SP100: variants seen among roughly 807,000 people sequenced by gnomAD.
SP100 encodes the protein SP100 nuclear body protein.
A neutral mutation model predicts 130.0 loss-of-function variants in SP100; 84 were observed. That is an observed-to-expected ratio of 0.65 (90% CI 0.54 to 0.77). The LOEUF (loss-of-function observed/expected upper bound fraction) is 0.77, where lower values mean the gene tolerates loss of function less well. Among genes scored for constraint, SP100 ranks in the 30% least tolerant of loss-of-function variants. The pLI is 0.00. For missense variants in SP100, 978 were observed against 1,052.2 expected, an observed-to-expected ratio of 0.93 and a Z score of 0.97; for synonymous variants, 331 against 351.7, an observed-to-expected ratio of 0.94 and a Z score of 0.66.
intron 12 of SP100, 76 bp downstream of exon 12, chr2:230,466,430 C>T (rs1462804272): frequency 3.6e-6 from 3 of 824,344 alleles, no homozygotes; most frequent in African/African-American, 3.4e-5. Context: ...ATATTTTCTA[C>T]AAAAGAGTCA....
intron 17 of SP100, among the ~76,000 whole-genome samples, chr2:230,483,773 C>T (rs368552032): frequency 6.6e-6 from 1 of 152,002 alleles, no homozygotes; most frequent in Non-Finnish European, 1.5e-5. Context: ...TCTCATTATT[C>T]CTGATAGTTA....
Position 230,543,111 on chromosome 2 carries a change from C to T in SP100, c.*165C>T, listed in dbSNP as rs1385605299. 1 of 500,170 alleles carries T rather than the reference C, an allele frequency of 2.0e-6. No homozygotes were observed. The highest frequency in any genetic ancestry group is 3.3e-5 in the East Asian group (1 of 30,734). 31.0% of individuals were successfully genotyped at this position (500,170 alleles called of 1,614,324 possible). ...TTTCAGCTTTCAATAAAATTCAACACCCCTTCATGTTAAAAATTCTCAATA... is the reference window on the plus strand; with the variant it reads ...TTTCAGCTTTCAATAAAATTCAACATCCCTTCATGTTAAAAATTCTCAATA... On this transcript the variant is annotated 3_prime_UTR_variant, in exon 29 of 29. Coordinates refer to ENST00000340126, the MANE Select transcript of SP100 (RefSeq NM_001080391.2).
rs2066555181 is a variant in SP100, at chr2:230,494,432, T to C, written c.1617T>C (p.His539=). 3 of 1,606,932 alleles carry C rather than the reference T, an allele frequency of 1.9e-6. No homozygotes were observed. Among genetic ancestry groups the C allele is most frequent in the South Asian group, 2.2e-5 (2 of 90,884 alleles). The change falls in exon 18 of 29, where the codon CAT becomes CAC. Residue 539 remains histidine, a synonymous_variant. Coordinates refer to ENST00000340126, the MANE Select transcript of SP100 (RefSeq NM_001080391.2). ...HSGKRRKKRR[H]RSKVNGLQRG... ...TGTTTGCAGGAAAAAAGAGAAGGCA[T>C]AGATCTAAAGTAAATGGTCTCCAAA...
chr2:230,450,477 T>A (rs1441158608), intron 8 of SP100, among the ~76,000 whole-genome samples: 1 of 152,242 alleles, frequency 6.6e-6, no homozygotes, highest in Non-Finnish European at 1.5e-5. Context: ...CACGTACTTA[T>A]CATTTTTGTG....
In SP100 at chr2:230,540,875, G is replaced by A. The variant is rs762781235; in HGVS notation, c.2211-1G>A. On this transcript the variant is annotated splice_acceptor_variant, in intron 25 of 28. Transcript: ENST00000340126. LOFTEE classifies it high-confidence loss of function. ...TGCTCACTTTATGCCCCATCTCTCA[G>A]GAACCCGTGGAGTTGCATCTTCTGC... 22 of 1,610,440 alleles carry A rather than the reference G, an allele frequency of 1.4e-5. No homozygotes were observed. Among genetic ancestry groups the A allele is most frequent in the Non-Finnish European group, 1.8e-5 (21 of 1,177,804 alleles).
intron 24 of SP100, among the ~76,000 whole-genome samples, chr2:230,529,195 C>T (rs1218470872): frequency 1.3e-5 from 2 of 152,120 alleles, no homozygotes; most frequent in Non-Finnish European, 2.9e-5. Flanking sequence ...ACTGGTAAAC[C>T]AAATCCAGCA....
chr2:230,488,135 A>G (rs2066205387), intron 17 of SP100, among the ~76,000 whole-genome samples: 1 of 152,168 alleles, frequency 6.6e-6, no homozygotes, highest in South Asian at 2.1e-4. Flanking sequence ...CTGCAAGTAC[A>G]GACAATCTGA....
intron 21 of SP100, among the ~76,000 whole-genome samples, chr2:230,505,327 G>A (rs190226630): frequency 5.3e-5 from 8 of 152,268 alleles, no homozygotes; most frequent in African/African-American, 1.7e-4. Flanking sequence ...TACTTGGGTG[G>A]AAAATGTACA....
In SP100 at chr2:230,539,395, T is replaced by C. The variant is rs775279568; in HGVS notation, c.2210+13T>C. 7 of 1,576,704 alleles carry C rather than the reference T, an allele frequency of 4.4e-6. No individual in the cohort carries two copies. In the South Asian group the frequency reaches 5.5e-5, roughly 12 times the overall value. On this transcript the variant is annotated intron_variant, in intron 25 of 28. Coordinates refer to ENST00000340126, the MANE Select transcript of SP100 (RefSeq NM_001080391.2). Reference sequence around the variant, plus strand: ...TGGAAGCTAACAAGTGAGTAAGACATGTCCCCTTCCCTGAGCCCTTCCTTC... The same window carrying C: ...TGGAAGCTAACAAGTGAGTAAGACACGTCCCCTTCCCTGAGCCCTTCCTTC...
At chr2:230,473,885 A>G (rs78675331) in intron 16 of SP100, among the ~76,000 whole-genome samples, 4 of 141,632 alleles carry the variant, frequency 2.8e-5, no homozygotes, top group East Asian at 2.0e-4. Context: ...CTTGTTCTTG[A>G]AAAAAAAAAA....
intron 17 of SP100, among the ~76,000 whole-genome samples, chr2:230,478,416 G>T (rs1476490771): frequency 6.6e-6 from 1 of 152,154 alleles, no homozygotes; most frequent in Non-Finnish European, 1.5e-5. Context: ...ATTATTACAA[G>T]ACCTCTTCAA....
intron 28 of SP100, 78 bp from the exon 29 acceptor site, chr2:230,542,758 G>A: frequency 1.3e-6 from 1 of 759,986 alleles, no homozygotes; most frequent in South Asian, 1.7e-5. Flanking sequence ...CCTAAAATGA[G>A]GCCCCAGATT....
At position 230,464,066 on chromosome 2, in the gene SP100, G is replaced by A. The variant is rs144228004; in HGVS notation, c.1058-1G>A. On this transcript the variant is annotated splice_acceptor_variant, in intron 10 of 28. Coordinates refer to ENST00000340126, the MANE Select transcript of SP100 (RefSeq NM_001080391.2). LOFTEE classifies it high-confidence loss of function. ...CTAAAGAATCCCATTCTTTTGTGCAGTGATCAATAATGACAACCCTTTAGA... is the reference window on the plus strand; with the variant it reads ...CTAAAGAATCCCATTCTTTTGTGCAATGATCAATAATGACAACCCTTTAGA... The A allele has an allele frequency of 7.3e-5, 118 of 1,606,012 alleles. No individual in the cohort carries two copies. The African/African-American group carries it at 1.4e-3, about 19-fold the overall frequency.
chr2:230,459,192 A>G (rs1038843422), intron 8 of SP100, among the ~76,000 whole-genome samples: 2 of 152,230 alleles, frequency 1.3e-5, no homozygotes, highest in Non-Finnish European at 2.9e-5. Context: ...GGGAGGCACA[A>G]AGAGAAGTAT....
intron 24 of SP100, among the ~76,000 whole-genome samples, chr2:230,536,827 G>T (rs1174654932): frequency 6.6e-6 from 1 of 152,024 alleles, no homozygotes. Context: ...CTGAACCCCT[G>T]GTATTTCAAT....
At position 230,417,517 on chromosome 2, in the gene SP100, C is replaced by T. The variant is rs150266204; in HGVS notation, c.33-74C>T. The T allele has an allele frequency of 6.3e-5, 98 of 1,545,714 alleles. No individual in the cohort carries two copies. In the African/African-American group the frequency reaches 1.1e-3, roughly 18 times the overall value. On this transcript the variant is annotated intron_variant, in intron 1 of 28. Transcript: ENST00000340126. ...ATCTAAACAAATATTTATCTTGTCT[C>T]TAAACCTTAAAAATGTAATTATTGA... is the stretch of plus-strand genomic sequence containing the variant.
chr2:230,432,158 G>A (rs2063117831), intron 2 of SP100, among the ~76,000 whole-genome samples: 1 of 152,016 alleles, frequency 6.6e-6, no homozygotes, highest in Non-Finnish European at 1.5e-5. Flanking sequence ...TTTTACATCT[G>A]GGTTATTTCA....
rs6728689 is a variant in SP100 at position 230,545,045 on chromosome 2, G to A, written c.*2099G>A. Among the ~76,000 whole-genome samples, 34,736 of 152,080 alleles carry A rather than the reference G, an allele frequency of 0.23. 4,546 individuals are homozygous for A. Among genetic ancestry groups the A allele is most frequent in the Middle Eastern group, 0.37 (108 of 292 alleles). ...GTGGCAACTCCTCATAGTGCTAAAA[G>A]CAGAACTGCCATTCCACCCAGCAAT... is the stretch of plus-strand genomic sequence containing the variant. On this transcript the variant is annotated 3_prime_UTR_variant, in exon 29 of 29. Transcript: ENST00000340126.
chr2:230,469,723 T>A, intron 14 of SP100: 2 of 1,271,432 alleles, frequency 1.6e-6, no homozygotes, highest in South Asian at 2.7e-5. Flanking sequence ...GCTTTCTTAA[T>A]TTGAAACCAC....
Sources: gnomAD v4.1 joint callset for allele counts (sites outside exome capture counted in the v4.1 genomes callset) on GRCh38, gnomAD v4.1.1 for gene constraint, MANE v1.5 for transcripts, NCBI Gene and HGNC (gene_info 2026-07-23, HGNC 2026-07-21) for gene names.